The following LARGE1 variants were observed in gnomAD, a reference collection of about 807,000 sequenced individuals.
LARGE1 encodes the protein xylosyl- and glucuronyltransferase LARGE1.
A neutral mutation model predicts 87.6 loss-of-function variants in LARGE1; 43 were observed. The observed-to-expected ratio is 0.49, with a 90% confidence interval of 0.38 to 0.63. The LOEUF is 0.63. Among genes scored for constraint, LARGE1 ranks in the 30% least tolerant of loss-of-function variants. LARGE1 has a pLI of 0.00. For missense variants in LARGE1, 802 were observed against 1,000.2 expected, an observed-to-expected ratio of 0.80 and a Z score of 2.67; for synonymous variants, 434 against 394.6, an observed-to-expected ratio of 1.10 and a Z score of -1.18.
At chr22:33,485,702 C>G (rs144534709) in intron 6 of LARGE1, among the ~76,000 whole-genome samples, 1 of 152,012 alleles carries the variant, frequency 6.6e-6, no homozygotes, top group Non-Finnish European at 1.5e-5. Flanking sequence ...TAGATCATCC[C>G]CCAAATTCAA....
chr22:33,315,876 C>A (rs1176232470), intron 11 of LARGE1, among the ~76,000 whole-genome samples: 1 of 152,166 alleles, frequency 6.6e-6, no homozygotes, highest in Non-Finnish European at 1.5e-5. Flanking sequence ...GATCTGCCTG[C>A]CTGGGGCTCC....
intron 1 of LARGE1, among the ~76,000 whole-genome samples, chr22:33,872,456 C>T (rs1354266099): frequency 1.3e-5 from 2 of 151,736 alleles, no homozygotes; most frequent in Admixed American, 1.3e-4. Context: ...AAATACACAG[C>T]AGCTGCTATC....
intron 11 of LARGE1, among the ~76,000 whole-genome samples, chr22:33,314,987 A>G (rs1935996710): frequency 6.6e-6 from 1 of 152,156 alleles, no homozygotes; most frequent in Non-Finnish European, 1.5e-5. Context: ...AGGTGGGAGG[A>G]TCACGAGGTC....
intron 2 of LARGE1, among the ~76,000 whole-genome samples, chr22:33,760,800 G>C (rs1027293972): frequency 2.6e-5 from 4 of 152,110 alleles, no homozygotes; most frequent in African/African-American, 9.7e-5. Flanking sequence ...GGCACCTGTA[G>C]TCCTAGCTAC....
At chr22:33,275,707 C>T (rs73166226) in intron 14 of LARGE1, among the ~76,000 whole-genome samples, 3,832 of 152,030 alleles carry the variant, frequency 0.025, 64 homozygotes, top group Admixed American at 0.03. Flanking sequence ...ACATGCTATT[C>T]GCAAAGAAAA....
chr22:33,356,934 T>C (rs750481244), intron 9 of LARGE1, among the ~76,000 whole-genome samples: 8 of 152,214 alleles, frequency 5.3e-5, no homozygotes, highest in Non-Finnish European at 1.2e-4. Context: ...TGGAAATTAG[T>C]ATCTCTATGG....
In LARGE1 at chr22:33,264,591, G is replaced by A. The variant is rs1036500928; in HGVS notation, c.1730+39638C>T. 2.0e-5 allele frequency among the ~76,000 whole-genome samples: 3 copies of A among 152,212 alleles called. No individual in the cohort carries two copies. In the East Asian group the frequency reaches 5.8e-4, roughly 29 times the overall value. The stretch of plus-strand genomic sequence containing the variant: ...GGAGAATCACCTGAACCCGGGAGGT[G>A]GAGGTTGCAGTGAGCCGAGATTGCA... On this transcript the variant is annotated intron_variant, in intron 11 of 11. Coordinates refer to the LARGE1 transcript ENST00000608642.
intron 7 of LARGE1, among the ~76,000 whole-genome samples, chr22:33,411,693 T>C (rs2066309852): frequency 6.6e-6 from 1 of 152,182 alleles, no homozygotes; most frequent in Admixed American, 6.5e-5. Flanking sequence ...AATATCTATG[T>C]ATGGTATTGT....
intron 9 of LARGE1, among the ~76,000 whole-genome samples, chr22:33,376,711 C>T (rs550443166): frequency 1.3e-5 from 2 of 152,274 alleles, no homozygotes; most frequent in East Asian, 3.9e-4. Context: ...CTGTTCTTGT[C>T]ACATCACTAT....
intron 3 of LARGE1, among the ~76,000 whole-genome samples, chr22:33,635,026 G>A (rs1204681740): frequency 1.3e-5 from 2 of 151,946 alleles, no homozygotes; most frequent in African/African-American, 4.8e-5. Flanking sequence ...GCTGAGGCAG[G>A]AGAATCACTT....
chr22:33,720,381 G>A (rs556950647), intron 2 of LARGE1, among the ~76,000 whole-genome samples: 59 of 152,208 alleles, frequency 3.9e-4, no homozygotes, highest in African/African-American at 9.2e-4. Flanking sequence ...CTCACTGGCC[G>A]GCAGTCCCTA....
chr22:33,417,377 C>T (rs1601766812), intron 7 of LARGE1, among the ~76,000 whole-genome samples: 1 of 152,196 alleles, frequency 6.6e-6, no homozygotes, highest in Non-Finnish European at 1.5e-5. Context: ...TCCCTGCCCT[C>T]TGGGGAGAAA....
chr22:33,697,633 T>C (rs2082292002), intron 2 of LARGE1, among the ~76,000 whole-genome samples: 1 of 151,092 alleles, frequency 6.6e-6, no homozygotes. Flanking sequence ...ACTCTAATGG[T>C]TATAGTCCCA....
intron 11 of LARGE1, among the ~76,000 whole-genome samples, chr22:33,267,231 C>T (rs927811175): frequency 6.6e-6 from 1 of 151,606 alleles, no homozygotes; most frequent in Non-Finnish European, 1.5e-5. Context: ...ACAGAGGGGA[C>T]CCTGTCTCAA....
chr22:33,585,194 C>T (rs773968715), intron 5 of LARGE1, among the ~76,000 whole-genome samples: 4 of 152,122 alleles, frequency 2.6e-5, no homozygotes, highest in Admixed American at 1.3e-4. Flanking sequence ...CACTTATATA[C>T]ATTAATTATT....
chr22:33,884,045 A>C (rs1185160570), intron 1 of LARGE1, among the ~76,000 whole-genome samples: 1 of 152,246 alleles, frequency 6.6e-6, no homozygotes, highest in Non-Finnish European at 1.5e-5. Context: ...CCTCATATAC[A>C]GTAGTGCACA....
chr22:33,583,949 G>A (rs748265493), intron 5 of LARGE1, among the ~76,000 whole-genome samples: 9 of 152,160 alleles, frequency 5.9e-5, no homozygotes, highest in South Asian at 2.1e-4. Context: ...TGAAACCTCA[G>A]AAATAAAAAT....
rs532759756 is a variant in LARGE1, at chr22:33,581,947, A to G, written c.616-16928T>C. Among the ~76,000 whole-genome samples, 5 of 152,316 alleles carry G rather than the reference A, an allele frequency of 3.3e-5. No homozygotes were observed. The East Asian group carries it at 9.6e-4, about 29-fold the overall frequency. On this transcript the variant is annotated intron_variant, in intron 5 of 14. Transcript: ENST00000397394. ...TTCACATGGCTGGGAATAAAATGAC[A>G]CAAATCCATTGGACTGGCCTCTGAC...
At chr22:33,151,061 T>C in the LARGE1 span, among the ~76,000 whole-genome samples, 1 of 152,192 alleles carries the variant, frequency 6.6e-6, no homozygotes. Context: ...TTACTATGCT[T>C]AGTCTTCCCA....
Sources: gnomAD v4.1 joint callset for allele counts (sites outside exome capture counted in the v4.1 genomes callset) on GRCh38, gnomAD v4.1.1 for gene constraint, MANE v1.5 for transcripts, NCBI Gene and HGNC (gene_info 2026-07-23, HGNC 2026-07-21) for gene names.